DNAH9: variants seen among roughly 807,000 people sequenced by gnomAD.
The protein encoded by DNAH9 is DNAH9 variant protein.
A neutral mutation model predicts 471.6 loss-of-function variants in DNAH9; 345 were observed. The observed-to-expected ratio is 0.73, with a 90% confidence interval of 0.67 to 0.80. The LOEUF (loss-of-function observed/expected upper bound fraction) is 0.80, where lower values mean the gene tolerates loss of function less well. Among genes scored for constraint, DNAH9 ranks in the 30% least tolerant of loss-of-function variants. DNAH9 has a pLI of 0.00. For missense variants in DNAH9, 5,407 were observed against 5,609.2 expected (o/e 0.96, Z 1.15); for synonymous variants, 2,093 against 2,123.6 (o/e 0.99, Z 0.40).
Position 11,688,082 on chromosome 17 carries a change from C to CAAAAAAAAAAAAAAA in DNAH9, c.3744-1480_3744-1466dup, listed in dbSNP as rs145792851. Among the ~76,000 whole-genome samples the CAAAAAAAAAAAAAAA allele has an allele frequency of 3.4e-5, 2 of 59,686 alleles. 1 individual carries two copies. The allele number at this position is 59,686 out of a possible 152,430, so 39.2% of individuals were successfully genotyped here. A position where few individuals can be genotyped will look rare whatever the true frequency, so the allele number is the denominator to read the frequency against. On this transcript the variant is annotated intron_variant, in intron 19 of 68. Coordinates refer to ENST00000262442, the MANE Select transcript of DNAH9 (RefSeq NM_001372.4). ...CCGGGAGGCGGAGATTGCAGTAAGC[C>CAAAAAAAAAAAAAAA]AAAAAAAAAAAAAAAAAAGAAAAAG...
At chr17:11,710,096 C>G (rs1023049676) in intron 26 of DNAH9, among the ~76,000 whole-genome samples, 2 of 152,048 alleles carry the variant, frequency 1.3e-5, no homozygotes, top group South Asian at 4.1e-4. Context: ...TTGTTTCATT[C>G]TACATGTAGA....
intron 41 of DNAH9, among the ~76,000 whole-genome samples, chr17:11,792,431 C>T (rs940425824): frequency 1.3e-4 from 20 of 152,180 alleles, no homozygotes; most frequent in African/African-American, 4.8e-4. Context: ...GCAATGAGAA[C>T]AAGCACAGAC....
intron 20 of DNAH9, 99 bp downstream of exon 20, chr17:11,690,535 C>T (rs2074317534): frequency 8.5e-7 from 1 of 1,180,538 alleles, no homozygotes; most frequent in Non-Finnish European, 1.2e-6. Context: ...CCTTTTCTGC[C>T]TCCTTGCTTT....
chr17:11,796,939 C>T (rs1969264847), intron 42 of DNAH9, among the ~76,000 whole-genome samples: 1 of 152,120 alleles, frequency 6.6e-6, no homozygotes, highest in Non-Finnish European at 1.5e-5. Context: ...TATAACCAGC[C>T]CGTATTTATT....
chr17:11,834,347 A>AAGAAG (rs1555605968), intron 48 of DNAH9, among the ~76,000 whole-genome samples: 1 of 148,920 alleles, frequency 6.7e-6, no homozygotes, highest in African/African-American at 2.5e-5. Context: ...AAAAAAAAAA[A>AAGAAG]AAGAAGAAGA....
chr17:11,694,041 A>G (rs2074385636), intron 21 of DNAH9, 43 bp downstream of exon 21: 6 of 1,601,432 alleles, frequency 3.7e-6, no homozygotes, highest in Non-Finnish European at 5.1e-6. Flanking sequence ...AGAAGGCATC[A>G]TTTCCTTTTC....
intron 60 of DNAH9, among the ~76,000 whole-genome samples, chr17:11,903,614 A>C (rs1973487104): frequency 1.3e-5 from 2 of 151,930 alleles, no homozygotes; most frequent in Admixed American, 6.6e-5. Context: ...GCATGATAGA[A>C]AAATACCAGG....
chr17:11,628,389 G>A (rs1402486187), intron 6 of DNAH9, among the ~76,000 whole-genome samples: 1 of 152,190 alleles, frequency 6.6e-6, no homozygotes, highest in Admixed American at 6.5e-5. Context: ...TAATAACAGC[G>A]ATGATACTGT....
rs111421349 is a variant in DNAH9, at chr17:11,605,792, G to A, written c.418-2337G>A. ...TGCTGGGATACAGGCGTGAGCCACC[G>A]CACCTGGCTATGAGTTGCTTTTCAC... On this transcript the variant is annotated intron_variant, in intron 1 of 68. Coordinates refer to ENST00000262442, the MANE Select transcript of DNAH9 (RefSeq NM_001372.4). 3.8e-3 allele frequency among the ~76,000 whole-genome samples: 570 copies of A among 151,672 alleles called. 4 individuals are homozygous for A. The highest frequency in any genetic ancestry group is 0.011 in the African/African-American group (463 of 41,358).
intron 50 of DNAH9, among the ~76,000 whole-genome samples, chr17:11,864,562 A>C (rs1971974478): frequency 6.6e-6 from 1 of 151,844 alleles, no homozygotes; most frequent in Non-Finnish European, 1.5e-5. Flanking sequence ...GCTGAGTTCA[A>C]TTCCTGGGTA....
rs773435320 is a variant in DNAH9 at position 11,871,735 on chromosome 17, C to T, written c.10191C>T (p.Tyr3397=). The T allele has an allele frequency of 6.2e-6, 10 of 1,614,226 alleles. No individual in the cohort carries two copies. Among genetic ancestry groups the T allele is most frequent in the South Asian group, 1.1e-5 (1 of 91,086 alleles). ...ISYLGFFTKK[Y]RQSLLDRTWR... ...ACCTTGGCTTCTTCACAAAGAAATA[C>T]CGGCAGAGCCTCCTGGACAGAACTT... is the stretch of plus-strand genomic sequence containing the variant. Residue 3397 remains tyrosine, a synonymous_variant, in exon 52 of 69, where the codon TAC becomes TAT. Transcript: ENST00000262442.
rs556350219 is a variant in DNAH9, at chr17:11,604,576, A to G, written c.418-3553A>G. ...GAGATACTACATTTTAACATGTGCA[A>G]ACAAAAGCTCCTGTATCTTCTCTGA... On this transcript the variant is annotated intron_variant, in intron 1 of 68. Transcript: ENST00000262442. 1.2e-4 allele frequency among the ~76,000 whole-genome samples: 19 copies of G among 152,274 alleles called. No individual in the cohort carries two copies. In the South Asian group the frequency reaches 3.1e-3, roughly 25 times the overall value.
intron 45 of DNAH9, among the ~76,000 whole-genome samples, chr17:11,819,623 G>A (rs1312473264): frequency 2.6e-5 from 4 of 151,952 alleles, no homozygotes; most frequent in Admixed American, 6.6e-5. Flanking sequence ...CTTGTGATCC[G>A]CCTGCCTTGG....
intron 48 of DNAH9, among the ~76,000 whole-genome samples, chr17:11,825,202 T>C (rs1378265894): frequency 6.6e-6 from 1 of 151,912 alleles, no homozygotes; most frequent in Admixed American, 6.6e-5. Flanking sequence ...ACATCTTTTC[T>C]CCTGATCACT....
At chr17:11,662,823 T>C (rs934987239) in intron 14 of DNAH9, among the ~76,000 whole-genome samples, 4 of 130,504 alleles carry the variant, frequency 3.1e-5, no homozygotes, top group Non-Finnish European at 4.7e-5. Context: ...TGGCGGGATC[T>C]CGGCTCACTG....
intron 61 of DNAH9, among the ~76,000 whole-genome samples, chr17:11,919,176 A>G (rs1323425323): frequency 6.6e-6 from 1 of 151,880 alleles, no homozygotes; most frequent in African/African-American, 2.4e-5. Context: ...GAATTAAGAC[A>G]GTAGAGCAAA....
At chr17:11,758,811 T>C (rs1967518768) in intron 35 of DNAH9, among the ~76,000 whole-genome samples, 1 of 152,216 alleles carries the variant, frequency 6.6e-6, no homozygotes. Flanking sequence ...ATTTTCGTTG[T>C]TTAATGAAAC....
At chr17:11,874,114 A>G (rs1972381010) in intron 52 of DNAH9, among the ~76,000 whole-genome samples, 1 of 151,906 alleles carries the variant, frequency 6.6e-6, no homozygotes, top group African/African-American at 2.4e-5. Context: ...GTGTGGTGGC[A>G]GGCACCTGTA....
At position 11,954,561 on chromosome 17, in the gene DNAH9, A is replaced by ACTT. The variant is rs551071139; in HGVS notation, c.12844-7305_12844-7303dup. 6.6e-5 allele frequency among the ~76,000 whole-genome samples: 10 copies of ACTT among 152,158 alleles called. 1 individual carries two copies. In the South Asian group the frequency reaches 2.1e-3, roughly 32 times the overall value. On this transcript the variant is annotated intron_variant, in intron 67 of 68. Transcript: ENST00000262442. The stretch of plus-strand genomic sequence containing the variant: ...AAGTACTAAAAGAAAAAAACTGTAA[A>ACTT]CTTAGAATTCTTTGCCCAGGAAAAA...
Sources: allele counts gnomAD v4.1 joint callset (sites outside exome capture counted in the v4.1 genomes callset), GRCh38; gene constraint gnomAD v4.1.1; transcripts MANE v1.5; gene names NCBI Gene and HGNC (gene_info 2026-07-23, HGNC 2026-07-21).